The following NTM variants were observed in gnomAD, a reference collection of about 807,000 sequenced individuals.
NTM encodes the protein neurotrimin, also known as IgLON family member 2.
Under a neutral mutation model 42.1 loss-of-function variants are expected in NTM, and 13 were observed. The observed-to-expected ratio is 0.31, with a 90% confidence interval of 0.20 to 0.49. The LOEUF (loss-of-function observed/expected upper bound fraction) is 0.49. NTM is among the 20% of genes least tolerant of loss of function. The pLI is 0.99. For synonymous variants in NTM, 187 were observed against 179.2 expected (o/e 1.04, Z -0.35); for missense variants, 373 against 452.8 (o/e 0.82, Z 1.60).
At chr11:132,118,494 A>G (rs1287621872) in intron 2 of NTM, among the ~76,000 whole-genome samples, 5 of 152,200 alleles carry the variant, frequency 3.3e-5, no homozygotes, top group Non-Finnish European at 5.9e-5. Context: ...TTTCATCGCA[A>G]TCGCACAGCA....
At chr11:131,719,096 G>T (rs1370062036) in intron 1 of NTM, among the ~76,000 whole-genome samples, 1 of 152,068 alleles carries the variant, frequency 6.6e-6, no homozygotes, top group Non-Finnish European at 1.5e-5. Flanking sequence ...TTTTAGTAGA[G>T]ATGAGGTTTT....
At chr11:132,015,633 ATATTTTATTTTATTT>A (rs151321359) in intron 2 of NTM, among the ~76,000 whole-genome samples, 1 of 143,078 alleles carries the variant, frequency 7.0e-6, no homozygotes, top group African/African-American at 2.5e-5. Context: ...TTATTCTTAG[ATATTTTATTTTATTT>A]TATTTTATTT....
At chr11:131,599,479 C>T (rs1006234512) in intron 1 of NTM, among the ~76,000 whole-genome samples, 3 of 152,246 alleles carry the variant, frequency 2.0e-5, no homozygotes, top group Admixed American at 6.5e-5. Context: ...GAGCAGTAAA[C>T]GGCTCTGCCA....
At chr11:131,509,133 A>G (rs2047912807) in intron 1 of NTM, among the ~76,000 whole-genome samples, 1 of 152,192 alleles carries the variant, frequency 6.6e-6, no homozygotes, top group Admixed American at 6.5e-5. Flanking sequence ...TTGCCTCTAC[A>G]CCATGTCAAA....
chr11:131,503,222 G>A (rs535209137), intron 1 of NTM, among the ~76,000 whole-genome samples: 1 of 152,318 alleles, frequency 6.6e-6, no homozygotes, highest in African/African-American at 2.4e-5. Flanking sequence ...GTGCCTGGGG[G>A]AAGGTGTGGA....
At chr11:132,076,112 C>A (rs2058330513) in intron 2 of NTM, among the ~76,000 whole-genome samples, 1 of 152,322 alleles carries the variant, frequency 6.6e-6, no homozygotes, top group Non-Finnish European at 1.5e-5. Context: ...TGTCTTCCAA[C>A]TGTAACCTGT....
intron 1 of NTM, among the ~76,000 whole-genome samples, chr11:131,725,065 A>T (rs540108443): frequency 6.6e-6 from 1 of 152,230 alleles, no homozygotes; most frequent in East Asian, 1.9e-4. Flanking sequence ...TCTCATCGTG[A>T]TGCAAGGCAC....
At chr11:132,172,705 T>G (rs2076280067) in intron 3 of NTM, among the ~76,000 whole-genome samples, 2 of 152,224 alleles carry the variant, frequency 1.3e-5, no homozygotes. Flanking sequence ...ATAGGAATAT[T>G]GAAAATGGGT....
In NTM at chr11:132,212,074, C is replaced by A; in HGVS notation, c.453C>A (p.Asn151Lys). 3 of 1,613,340 alleles carry A rather than the reference C, an allele frequency of 1.9e-6. No homozygotes were observed. The highest frequency in any genetic ancestry group is 2.5e-6 in the Non-Finnish European group (3 of 1,179,506). The change falls in exon 4 of 9, where the codon AAC becomes AAA. Residue 151 changes from asparagine to lysine, a missense_variant. By Grantham distance (94) the Asn-to-Lys change is moderately conservative (BLOSUM62 0). Transcript: ENST00000683400. ...ISSDISINEG[N>K]NISLTCIATG... is the part of the protein sequence containing the mutation. The stretch of plus-strand genomic sequence containing the variant: ...CAGATATCTCCATTAATGAAGGGAA[C>A]AATATTAGCCTCACCTGCATAGCAA...
chr11:132,334,810 A>T (rs1036303193), intron 8 of NTM, among the ~76,000 whole-genome samples: 1 of 151,312 alleles, frequency 6.6e-6, no homozygotes, highest in African/African-American at 2.4e-5. Context: ...AGGACACTTT[A>T]ACCTGAGCCT....
chr11:131,829,604 G>A (rs1408902166), intron 1 of NTM, among the ~76,000 whole-genome samples: 1 of 152,106 alleles, frequency 6.6e-6, no homozygotes, highest in Non-Finnish European at 1.5e-5. Flanking sequence ...CACCTATGTT[G>A]ATCCTATGTC....
At chr11:132,232,174 C>A (rs2087724587) in intron 4 of NTM, among the ~76,000 whole-genome samples, 1 of 152,172 alleles carries the variant, frequency 6.6e-6, no homozygotes, top group South Asian at 2.1e-4. Context: ...AGAGCAATTA[C>A]AATTCATATT....
chr11:131,916,055 A>G (rs2056300051), intron 2 of NTM, among the ~76,000 whole-genome samples: 1 of 152,200 alleles, frequency 6.6e-6, no homozygotes, highest in South Asian at 2.1e-4. Context: ...GTGGACAAAG[A>G]GGTCATGGAC....
In NTM at chr11:131,599,376, T is replaced by G. The variant is rs1378170009; in HGVS notation, c.82+228488T>G. 3.4e-5 allele frequency among the ~76,000 whole-genome samples: 5 copies of G among 145,344 alleles called. 1 individual carries two copies. The highest frequency in any genetic ancestry group is 7.3e-5 in the African/African-American group (3 of 41,082). ...TCCGGCAGATGCCCTGTCTACCCAG[T>G]CTCCGGCAGAGCTAGTCACATGGCC... On this transcript the variant is annotated intron_variant, in intron 1 of 8. Transcript: ENST00000683400.
chr11:131,422,514 G>A (rs940015462), intron 1 of NTM, among the ~76,000 whole-genome samples: 1 of 152,184 alleles, frequency 6.6e-6, no homozygotes, highest in African/African-American at 2.4e-5. Context: ...AAGTCCTTCT[G>A]GAATCTGCTC....
At chr11:132,055,777 C>T (rs541567732) in intron 2 of NTM, among the ~76,000 whole-genome samples, 3 of 152,192 alleles carry the variant, frequency 2.0e-5, no homozygotes, top group African/African-American at 4.8e-5. Context: ...GTTTGAATCC[C>T]GTCTCTTTCA....
Position 131,656,615 on chromosome 11 carries a change from T to C in NTM, c.83-254949T>C, listed in dbSNP as rs80075295. 2.5e-3 allele frequency among the ~76,000 whole-genome samples: 380 copies of C among 152,314 alleles called. 2 individuals are homozygous for C. The highest frequency in any genetic ancestry group is 8.7e-3 in the African/African-American group (360 of 41,572). ...TGCAGGTCACAGGAGGCAGAGCTCC[T>C]GCTGATGGGTTTTCCGGTTCTGGTT... On this transcript the variant is annotated intron_variant, in intron 1 of 8. Transcript: ENST00000683400.
intron 2 of NTM, among the ~76,000 whole-genome samples, chr11:132,086,200 T>TG (rs2059684434): frequency 6.6e-6 from 1 of 151,632 alleles, no homozygotes; most frequent in African/African-American, 2.4e-5. Context: ...GGTGGGCGCC[T>TG]GTAGTCCCAG....
chr11:131,412,932 T>C (rs1394363008), intron 1 of NTM, among the ~76,000 whole-genome samples: 1 of 152,186 alleles, frequency 6.6e-6, no homozygotes, highest in Non-Finnish European at 1.5e-5. Flanking sequence ...TGGTTTTAGA[T>C]TCTGGGTGGA....
Sources: gnomAD v4.1 joint callset for allele counts (sites outside exome capture counted in the v4.1 genomes callset) on GRCh38, gnomAD v4.1.1 for gene constraint, MANE v1.5 for transcripts, NCBI Gene and HGNC (gene_info 2026-07-23, HGNC 2026-07-21) for gene names.